The following RIMBP2 variants were observed in gnomAD, a reference collection of about 807,000 sequenced individuals.
RIMBP2 encodes the protein RIMS-binding protein 2.
RIMBP2 carries 48 observed loss-of-function variants against 118.6 expected under a neutral mutation model. The ratio of observed to expected loss-of-function variants is 0.40; its 90% CI spans 0.32 to 0.51. The LOEUF is 0.51. RIMBP2 is among the 20% of genes least tolerant of loss of function. The probability of loss-of-function intolerance (pLI) is 0.41; values close to 1 mark genes in which losing one functional copy is unlikely to be tolerated. For missense variants in RIMBP2, 1,551 were observed against 1,768.3 expected (o/e 0.88, Z 2.20); for synonymous variants, 762 against 742.9 (o/e 1.03, Z -0.42).
chr12:130,438,643 A>C, intron 11 of RIMBP2, 127 bp from the exon 12 acceptor site: 3 of 557,094 alleles, frequency 5.4e-6, no homozygotes, highest in Non-Finnish European at 8.4e-6. Flanking sequence ...AAAAGAGAAG[A>C]CAGTGTTGAA....
chr12:130,650,958 T>TTTAA (rs1555318449), intron 1 of RIMBP2, among the ~76,000 whole-genome samples: 6 of 125,598 alleles, frequency 4.8e-5, no homozygotes, highest in African/African-American at 1.8e-4. Context: ...TTGTTTTTTT[T>TTTAA]AAAAAAAAAA....
intron 2 of RIMBP2, among the ~76,000 whole-genome samples, chr12:130,558,881 T>A (rs1282739706): frequency 6.6e-6 from 1 of 152,200 alleles, no homozygotes; most frequent in African/African-American, 2.4e-5. Flanking sequence ...ACTATATACT[T>A]CCAAGTAATT....
intron 1 of RIMBP2, among the ~76,000 whole-genome samples, chr12:130,692,824 A>G (rs1037413394): frequency 2.4e-5 from 3 of 122,672 alleles, no homozygotes; most frequent in African/African-American, 6.7e-5. Context: ...GGATGGGTGG[A>G]ATGGGATGGG....
rs1453403878 is a variant in RIMBP2 at position 130,622,315 on chromosome 12, C to T, written c.-217+6007G>A. ...TCACAAGTTTTGCCATCTCTGTGCC[C>T]ACTGTTAACTGACCCTCTTTCTTTA... On this transcript the variant is annotated intron_variant, in intron 2 of 22. Coordinates refer to ENST00000690449, the MANE Select transcript of RIMBP2 (RefSeq NM_001393629.1). This position sits in a 1 kb window ranked among gnomAD's most constrained non-coding sequence, Gnocchi z 8.5. Among the ~76,000 whole-genome samples the T allele has an allele frequency of 6.6e-6, 1 of 152,078 alleles. No homozygotes were observed. The highest frequency in any genetic ancestry group is 1.5e-5 in the Non-Finnish European group (1 of 68,012).
At chr12:130,716,154 C>T (rs1158815961) in intron 1 of RIMBP2, 68 bp downstream of exon 1, 3 of 152,116 alleles carry the variant, frequency 2.0e-5, no homozygotes, top group Admixed American at 2.0e-4. Context: ...GCCGCTGCAG[C>T]TCGGGTGCAG....
At chr12:130,671,463 A>G (rs1274838060) in intron 1 of RIMBP2, among the ~76,000 whole-genome samples, 1 of 152,124 alleles carries the variant, frequency 6.6e-6, no homozygotes, top group Non-Finnish European at 1.5e-5. Context: ...CCTCTACGCC[A>G]CCACTGGGAT....
At chr12:130,455,860 C>T (rs2079392189) in intron 7 of RIMBP2, among the ~76,000 whole-genome samples, 1 of 152,044 alleles carries the variant, frequency 6.6e-6, no homozygotes, top group Non-Finnish European at 1.5e-5. Flanking sequence ...GACGTAGCAC[C>T]TCCACCGAGG....
chr12:130,445,092 T>G, intron 10 of RIMBP2, 68 bp downstream of exon 10: 1 of 1,021,244 alleles, frequency 9.8e-7, no homozygotes. Flanking sequence ...ATCAGGCCCC[T>G]GGAAGAGGTG....
chr12:130,491,707 CCT>C (rs2138445260), intron 4 of RIMBP2, among the ~76,000 whole-genome samples: 1 of 152,298 alleles, frequency 6.6e-6, no homozygotes, highest in African/African-American at 2.4e-5. Context: ...CCCACCACAC[CCT>C]GACACCGGGC....
At position 130,446,046 on chromosome 12, in the gene RIMBP2, A is replaced by G. The variant is rs2078501044; in HGVS notation, c.582-777T>C. Among the ~76,000 whole-genome samples, 1 of 149,132 alleles carries G rather than the reference A, an allele frequency of 6.7e-6. No homozygotes were observed. The highest frequency in any genetic ancestry group is 6.7e-5 in the Admixed American group (1 of 14,896). On this transcript the variant is annotated intron_variant, in intron 9 of 22. Transcript: ENST00000690449. This position sits in a 1 kb window ranked among gnomAD's most constrained non-coding sequence, Gnocchi z 4.1. ...CCCCCCCCCACACCCCCAGGAATATAAGAGTATCCATATTCTCCAGTCCTC... is the reference window on the plus strand; with the variant it reads ...CCCCCCCCCACACCCCCAGGAATATGAGAGTATCCATATTCTCCAGTCCTC...
intron 1 of RIMBP2, among the ~76,000 whole-genome samples, chr12:130,699,331 A>G (rs892684937): frequency 6.6e-6 from 1 of 152,198 alleles, no homozygotes; most frequent in Non-Finnish European, 1.5e-5. Context: ...ACCAACCCAA[A>G]TGTCCAACAA....
chr12:130,607,058 C>T (rs1305055404), intron 2 of RIMBP2, among the ~76,000 whole-genome samples: 1 of 152,082 alleles, frequency 6.6e-6, no homozygotes, highest in Non-Finnish European at 1.5e-5. Flanking sequence ...TCTCGAACTC[C>T]TGACCTCGTG....
intron 2 of RIMBP2, among the ~76,000 whole-genome samples, chr12:130,597,330 G>A (rs890092040): frequency 3.3e-5 from 5 of 152,282 alleles, no homozygotes; most frequent in East Asian, 1.9e-4. Flanking sequence ...TGCAACCTCT[G>A]CCTCCTGGGT....
chr12:130,683,511 G>A lies in RIMBP2; in HGVS notation c.-352+32711C>T, dbSNP rs994854632. On this transcript the variant is annotated intron_variant, in intron 1 of 22. Transcript: ENST00000690449. The surrounding 1 kb of genome is among the most constrained non-coding windows in gnomAD (Gnocchi z 4.4). ...CCAGAGCAACTCCATCTTGAATAGG[G>A]GCTGGGTAAGATGAGGCTGAGACCT... is the stretch of plus-strand genomic sequence containing the variant. Among the ~76,000 whole-genome samples the A allele has an allele frequency of 5.9e-5, 9 of 152,240 alleles. No individual in the cohort carries two copies. The highest frequency in any genetic ancestry group is 2.2e-4 in the African/African-American group (9 of 41,462).
At chr12:130,517,719 TCA>T in intron 3 of RIMBP2, 107 bp downstream of exon 3, 1 of 282,340 alleles carries the variant, frequency 3.5e-6, no homozygotes, top group Non-Finnish European at 5.4e-6. Flanking sequence ...CAGGCCACCT[TCA>T]CACTGATGTT....
At chr12:130,559,936 T>C (rs1406282255) in intron 2 of RIMBP2, among the ~76,000 whole-genome samples, 1 of 152,236 alleles carries the variant, frequency 6.6e-6, no homozygotes, top group East Asian at 1.9e-4. Flanking sequence ...GGACATGCTC[T>C]GCACCCATGA....
chr12:130,646,418 ACCACTTCCCTCTCCACCTCCCTTG>A lies in RIMBP2; in HGVS notation c.-351-17986_-351-17963del, dbSNP rs1159570664. ...CACCACCTGCCTCTCCACCTCCCTC[ACCACTTCCCTCTCCACCTCCCTTG>A]CCACCTCCCTCGCCACCTCCCTCGC... On this transcript the variant is annotated intron_variant, in intron 1 of 22. Coordinates refer to ENST00000690449, the MANE Select transcript of RIMBP2 (RefSeq NM_001393629.1). 4.6e-4 allele frequency among the ~76,000 whole-genome samples: 10 copies of A among 21,694 alleles called. 2 individuals are homozygous for A. The highest frequency in any genetic ancestry group is 6.0e-4 in the Non-Finnish European group (5 of 8,330). 14.2% of individuals were successfully genotyped at this position (21,694 alleles called of 152,430 possible).
At chr12:130,441,755 C>A (rs2078158446) in intron 11 of RIMBP2, 93 bp downstream of exon 11, 1 of 1,132,044 alleles carries the variant, frequency 8.8e-7, no homozygotes, top group African/African-American at 1.6e-5. Flanking sequence ...ATGGGGATTC[C>A]TGCTTCTGCC....
intron 11 of RIMBP2, among the ~76,000 whole-genome samples, chr12:130,440,010 A>G (rs1254208249): frequency 3.3e-5 from 5 of 151,644 alleles, no homozygotes; most frequent in Admixed American, 3.3e-4. Flanking sequence ...GCACATCCGT[A>G]TCTCCCACCA....
Sources: gnomAD v4.1 joint callset for allele counts (sites outside exome capture counted in the v4.1 genomes callset) on GRCh38, gnomAD v4.1.1 for gene constraint, Gnocchi (gnomAD v3.1) non-coding constraint, MANE v1.5 for transcripts, NCBI Gene and HGNC (gene_info 2026-07-23, HGNC 2026-07-21) for gene names.